SMYD3: variants seen among roughly 807,000 people sequenced by gnomAD.
SMYD3 encodes SET and MYND domain containing 3.
Under a neutral mutation model 57.7 loss-of-function variants are expected in SMYD3, and 36 were observed. The ratio of observed to expected loss-of-function variants is 0.62; its 90% CI spans 0.48 to 0.82. The LOEUF (loss-of-function observed/expected upper bound fraction) is 0.82. Among genes scored for constraint, SMYD3 ranks in the 40% least tolerant of loss-of-function variants. The pLI is 0.00. For missense variants in SMYD3, 515 were observed against 538.8 expected, an observed-to-expected ratio of 0.96 and a Z score of 0.44; for synonymous variants, 211 against 195.0, an observed-to-expected ratio of 1.08 and a Z score of -0.68.
intron 1 of SMYD3, among the ~76,000 whole-genome samples, chr1:246,374,892 A>G (rs1412048262): frequency 6.6e-6 from 1 of 152,196 alleles, no homozygotes; most frequent in African/African-American, 2.4e-5. Flanking sequence ...CAGGAGTTCA[A>G]CACCAGCCTG....
intron 1 of SMYD3, among the ~76,000 whole-genome samples, chr1:246,444,047 T>C (rs1333871278): frequency 6.6e-6 from 1 of 152,178 alleles, no homozygotes; most frequent in Non-Finnish European, 1.5e-5. Flanking sequence ...CATGGGTTTG[T>C]TACCTGGAGG....
At chr1:246,330,968 C>T (rs187855581) in intron 3 of SMYD3, among the ~76,000 whole-genome samples, 28 of 152,204 alleles carry the variant, frequency 1.8e-4, no homozygotes, top group African/African-American at 6.5e-4. Flanking sequence ...AACCCTATGC[C>T]TAAAAAACAT....
chr1:246,068,173 C>G (rs2060378859), intron 5 of SMYD3, among the ~76,000 whole-genome samples: 1 of 151,306 alleles, frequency 6.6e-6, no homozygotes, highest in African/African-American at 2.4e-5. Context: ...AAAGTAGGAT[C>G]AGAAAGAAGT....
intron 2 of SMYD3, among the ~76,000 whole-genome samples, chr1:246,344,776 G>A (rs918595245): frequency 2.0e-5 from 3 of 152,190 alleles, no homozygotes; most frequent in African/African-American, 4.8e-5. Flanking sequence ...TCTAGTGGGT[G>A]TGTAGTAATA....
intron 10 of SMYD3, among the ~76,000 whole-genome samples, chr1:245,821,686 A>C (rs1197014697): frequency 6.6e-6 from 1 of 151,098 alleles, no homozygotes; most frequent in Non-Finnish European, 1.5e-5. Flanking sequence ...CAATGAACTC[A>C]AACAAATTTA....
intron 1 of SMYD3, among the ~76,000 whole-genome samples, chr1:246,409,275 C>T (rs538238173): frequency 7.9e-5 from 12 of 152,086 alleles, no homozygotes; most frequent in Non-Finnish European, 1.6e-4. Context: ...AATGGTATTG[C>T]CTAGGTTTTC....
intron 10 of SMYD3, among the ~76,000 whole-genome samples, chr1:245,853,108 A>T (rs2051058348): frequency 6.6e-6 from 1 of 152,240 alleles, no homozygotes; most frequent in African/African-American, 2.4e-5. Context: ...TAATTCTCTA[A>T]ATCTCATCAG....
intron 5 of SMYD3, among the ~76,000 whole-genome samples, chr1:246,134,805 CCT>C (rs1491346563): frequency 3.7e-5 from 4 of 108,434 alleles, no homozygotes; most frequent in Non-Finnish European, 7.8e-5. Context: ...TCTTCCCCCC[CCT>C]GCCGCTTTTA....
intron 1 of SMYD3, among the ~76,000 whole-genome samples, chr1:246,451,059 G>C (rs917933100): frequency 1.3e-5 from 2 of 152,184 alleles, no homozygotes; most frequent in Non-Finnish European, 2.9e-5. Flanking sequence ...ACATTCAGCA[G>C]GTGCCTGCCG....
chr1:246,461,115 T>A (rs2067790858), intron 1 of SMYD3, among the ~76,000 whole-genome samples: 1 of 152,256 alleles, frequency 6.6e-6, no homozygotes, highest in South Asian at 2.1e-4. Flanking sequence ...AAAGAGAATG[T>A]AGCAATACAT....
At chr1:246,359,270 A>G (rs761769335) in intron 1 of SMYD3, among the ~76,000 whole-genome samples, 22 of 152,186 alleles carry the variant, frequency 1.4e-4, no homozygotes, top group Non-Finnish European at 2.6e-4. Context: ...AGGAAGATAT[A>G]GAAACTCTGA....
At chr1:246,463,111 C>A (rs991725704) in intron 1 of SMYD3, among the ~76,000 whole-genome samples, 3 of 151,994 alleles carry the variant, frequency 2.0e-5, no homozygotes, top group Admixed American at 6.6e-5. Context: ...GGGAGGGACA[C>A]ATAGGCATGC....
intron 10 of SMYD3, among the ~76,000 whole-genome samples, chr1:245,800,846 G>A (rs994239574): frequency 3.3e-5 from 5 of 152,184 alleles, no homozygotes; most frequent in Non-Finnish European, 7.3e-5. Flanking sequence ...TGGCCAGTGT[G>A]GCTAAAGAGT....
At chr1:246,110,911 T>C (rs954776683) in intron 5 of SMYD3, among the ~76,000 whole-genome samples, 2 of 152,184 alleles carry the variant, frequency 1.3e-5, no homozygotes, top group African/African-American at 2.4e-5. Flanking sequence ...ACCATGTTCA[T>C]GGTTTAGGAT....
intron 1 of SMYD3, among the ~76,000 whole-genome samples, chr1:246,380,964 C>A (rs150518032): frequency 6.6e-6 from 1 of 152,012 alleles, no homozygotes; most frequent in Admixed American, 6.6e-5. Context: ...ATGCTCAATT[C>A]GCTAAGAATG....
chr1:246,136,975 C>T (rs978726185), intron 5 of SMYD3, among the ~76,000 whole-genome samples: 2 of 152,166 alleles, frequency 1.3e-5, no homozygotes, highest in Non-Finnish European at 2.9e-5. Flanking sequence ...TGTGGAAGAT[C>T]ATTCAGGGAA....
chr1:245,778,809 G>GA (rs1319600511), intron 10 of SMYD3, among the ~76,000 whole-genome samples: 3 of 109,902 alleles, frequency 2.7e-5, no homozygotes, highest in Admixed American at 9.3e-5. Context: ...ATTCATAAAA[G>GA]AAAAAAATGG....
rs190857241 is a variant in SMYD3, at chr1:245,838,172, A to G, written c.1076+20324T>C. On this transcript the variant is annotated intron_variant, in intron 10 of 11. Coordinates refer to ENST00000490107, the MANE Select transcript of SMYD3 (RefSeq NM_001167740.2). ...AAGAAAATATTTTTGAAGTTATTTC[A>G]CAACTAAAATTGCAATGACAGGTGT... Among the ~76,000 whole-genome samples, 344 of 152,348 alleles carry G rather than the reference A, an allele frequency of 2.3e-3. No individual in the cohort carries two copies. In the Middle Eastern group the frequency reaches 0.041, roughly 18 times the overall value.
At chr1:246,489,667 CAGAG>C (rs937101986) in intron 1 of SMYD3, among the ~76,000 whole-genome samples, 1 of 151,062 alleles carries the variant, frequency 6.6e-6, no homozygotes, top group East Asian at 1.9e-4. Context: ...TTGTGTCATT[CAGAG>C]AGAGAGAGAG....
Sources: allele counts gnomAD v4.1 joint callset (sites outside exome capture counted in the v4.1 genomes callset), GRCh38; gene constraint gnomAD v4.1.1; transcripts MANE v1.5; gene names NCBI Gene and HGNC (gene_info 2026-07-23, HGNC 2026-07-21).